The following FUT2 variants were observed in gnomAD, a reference collection of about 807,000 sequenced individuals.
FUT2 encodes the protein fucosyltransferase 2 (H blood group), also known as galactoside alpha-(1,2)-fucosyltransferase 2.
For missense variants in FUT2, 419 were observed against 465.8 expected, an observed-to-expected ratio of 0.90 and a Z score of 0.93; for synonymous variants, 182 against 193.1, an observed-to-expected ratio of 0.94 and a Z score of 0.48.
At position 48,703,658 on chromosome 19, in the gene FUT2, C is replaced by T. The variant is rs144777399; in HGVS notation, c.702C>T (p.Tyr234=). The change falls in exon 2 of 2, where the codon TAC becomes TAT. Residue 234 remains tyrosine, a synonymous_variant. Transcript: ENST00000425340. ...CCCTGGACTGGTTCCGAGCTCGCTA[C>T]AGCTCCCTCATCTTCGTGGTCACCA... ...QQALDWFRAR[Y]SSLIFVVTSN... The T allele has an allele frequency of 1.2e-5, 19 of 1,613,710 alleles. No homozygotes were observed. In the African/African-American group the frequency reaches 2.3e-4, roughly 19 times the overall value.
chr19:48,700,569 G>A (rs1225467166), intron 1 of FUT2, among the ~76,000 whole-genome samples: 1 of 151,968 alleles, frequency 6.6e-6, no homozygotes, highest in Non-Finnish European at 1.5e-5. Flanking sequence ...CTGACCTCAT[G>A]ATCCGCCCGC....
chr19:48,703,028 T>G lies in FUT2; in HGVS notation c.72T>G (p.Thr24=). The G allele has an allele frequency of 6.2e-7, 1 of 1,613,166 alleles. No individual in the cohort carries two copies. The highest frequency in any genetic ancestry group is 1.1e-5 in the South Asian group (1 of 90,640). The change falls in exon 2 of 2, where the codon ACT becomes ACG. Residue 24 remains threonine (T), a synonymous_variant. Coordinates refer to ENST00000425340, the MANE Select transcript of FUT2 (RefSeq NM_000511.6). Reference sequence around the variant, plus strand: ...TCCTCTTTGTCTTTACGGTTTCCACTATATTTCACGTTCAGCAGCGGCTAG... The same window carrying G: ...TCCTCTTTGTCTTTACGGTTTCCACGATATTTCACGTTCAGCAGCGGCTAG... ...HFILFVFTVS[T]IFHVQQRLAK...
intron 1 of FUT2, among the ~76,000 whole-genome samples, chr19:48,702,495 T>A (rs925241417): frequency 1.3e-5 from 2 of 151,956 alleles, no homozygotes; most frequent in African/African-American, 4.8e-5. Context: ...TGTATACACA[T>A]TCACATATAC....
At chr19:48,702,280 A>T (rs2032529869) in intron 1 of FUT2, among the ~76,000 whole-genome samples, 1 of 151,748 alleles carries the variant, frequency 6.6e-6, no homozygotes, top group South Asian at 2.1e-4. Flanking sequence ...GGTGATGTGC[A>T]CCTGTAGTCC....
chr19:48,698,508 C>T (rs930891240), intron 1 of FUT2, among the ~76,000 whole-genome samples: 2 of 151,846 alleles, frequency 1.3e-5, no homozygotes, highest in African/African-American at 4.8e-5. Flanking sequence ...ATGGCACAAT[C>T]GCAGCTCACC....
chr19:48,697,822 G>A (rs2032442739), intron 1 of FUT2, among the ~76,000 whole-genome samples: 1 of 151,848 alleles, frequency 6.6e-6, no homozygotes, highest in Admixed American at 6.6e-5. Flanking sequence ...AGCCTCCCAA[G>A]TAGCTGAGAT....
rs199854717 is a variant in FUT2, at chr19:48,703,069, T to C, written c.113T>C (p.Met38Thr). ...CAGCGGCTAGCGAAGATTCAAGCCA[T>C]GTGGGAGTTACCGGTGCAGATACCA... ...VQQRLAKIQA[M>T]WELPVQIPVL... Residue 38 changes from methionine (M) to threonine (T), a missense_variant, in exon 2 of 2, where the codon ATG (methionine) becomes ACG (threonine). Coordinates refer to ENST00000425340, the MANE Select transcript of FUT2 (RefSeq NM_000511.6). 10 of 1,613,246 alleles carry C rather than the reference T, an allele frequency of 6.2e-6. No homozygotes were observed. The East Asian group carries it at 1.3e-4, about 22-fold the overall frequency.
chr19:48,701,681 T>G (rs991155537), intron 1 of FUT2, among the ~76,000 whole-genome samples: 2 of 151,542 alleles, frequency 1.3e-5, no homozygotes, highest in African/African-American at 4.8e-5. Context: ...CTCTGGCAAG[T>G]AGGAAAATAA....
At chr19:48,701,087 A>G (rs1028849542) in intron 1 of FUT2, among the ~76,000 whole-genome samples, 4 of 151,980 alleles carry the variant, frequency 2.6e-5, no homozygotes, top group Non-Finnish European at 5.9e-5. Flanking sequence ...CCCACAGTCT[A>G]CTCATCAAAC....
At position 48,703,414 on chromosome 19, in the gene FUT2, C is replaced by T; in HGVS notation, c.458C>T (p.Ser153Phe). ...GTCCGCTTCACCGGCTACCCCTGCT[C>T]CTGGACCTTCTACCACCACCTCCGC... ...EYVRFTGYPC[S>F]WTFYHHLRQE... is the part of the protein sequence containing the mutation. Residue 153 changes from serine (S) to phenylalanine (F), a missense_variant, in exon 2 of 2, where the codon TCC becomes TTC. Physicochemically the swap from Ser to Phe is radical, Grantham distance 155. Coordinates refer to ENST00000425340, the MANE Select transcript of FUT2 (RefSeq NM_000511.6). The T allele has an allele frequency of 6.2e-7, 1 of 1,613,008 alleles. No homozygotes were observed. Among genetic ancestry groups the T allele is most frequent in the Non-Finnish European group, 8.5e-7 (1 of 1,179,968 alleles).
At chr19:48,697,928 A>G (rs2032444260) in intron 1 of FUT2, among the ~76,000 whole-genome samples, 1 of 150,784 alleles carries the variant, frequency 6.6e-6, no homozygotes, top group Non-Finnish European at 1.5e-5. Context: ...TCCTGACCTC[A>G]GGTGATCCAC....
In FUT2 at chr19:48,703,161, A is replaced by G. The variant is rs2032551195; in HGVS notation, c.205A>G (p.Ile69Val). Residue 69 changes from isoleucine (I) to valine (V), a missense_variant, in exon 2 of 2, where the codon ATA becomes GTA. By Grantham distance (29) the Ile-to-Val change is conservative (BLOSUM62 3). Coordinates refer to ENST00000425340, the MANE Select transcript of FUT2 (RefSeq NM_000511.6). Reference protein sequence around the residue: ...QLRGMWTINAIGRLGNQMGEY... With the variant: ...QLRGMWTINAVGRLGNQMGEY... ...CAGGGGGATGTGGACGATCAATGCAATAGGCCGCCTGGGGAACCAGATGGG... is the reference window on the plus strand; with the variant it reads ...CAGGGGGATGTGGACGATCAATGCAGTAGGCCGCCTGGGGAACCAGATGGG... The G allele has an allele frequency of 6.2e-7, 1 of 1,613,444 alleles. No homozygotes were observed. Among genetic ancestry groups the G allele is most frequent in the Non-Finnish European group, 8.5e-7 (1 of 1,180,026 alleles).
chr19:48,700,152 C>CAAAAAA (rs923397801), intron 1 of FUT2, among the ~76,000 whole-genome samples: 111 of 44,770 alleles, frequency 2.5e-3, no homozygotes, highest in Non-Finnish European at 3.5e-3. Flanking sequence ...GACTCCATCT[C>CAAAAAA]AAAAAAAAAA....
chr19:48,699,767 G>T (rs149892149), intron 1 of FUT2, among the ~76,000 whole-genome samples: 17 of 152,150 alleles, frequency 1.1e-4, no homozygotes, highest in African/African-American at 3.8e-4. Flanking sequence ...CTAGCCACTG[G>T]TGGTGATGTG....
intron 1 of FUT2, among the ~76,000 whole-genome samples, chr19:48,698,685 G>A (rs536131568): frequency 3.1e-4 from 47 of 151,882 alleles, no homozygotes; most frequent in African/African-American, 1.0e-3. Flanking sequence ...CAGGTGATCC[G>A]CCCCCGCTTG....
Position 48,701,335 on chromosome 19 carries a change from C to A in FUT2, c.-2-1620C>A, listed in dbSNP as rs71370197. Among the ~76,000 whole-genome samples, 629 of 152,072 alleles carry A rather than the reference C, an allele frequency of 4.1e-3. 3 individuals are homozygous for A. Among genetic ancestry groups the A allele is most frequent in the Non-Finnish European group, 7.1e-3 (484 of 68,020 alleles). ...CTGGGATTACGGGCGTCCGCCACCA[C>A]ACCTGGCTAATTTTTGTATTTTTAG... On this transcript the variant is annotated intron_variant, in intron 1 of 1. Transcript: ENST00000425340.
chr19:48,697,763 C>T (rs907898557), intron 1 of FUT2, among the ~76,000 whole-genome samples: 3 of 151,932 alleles, frequency 2.0e-5, no homozygotes, highest in African/African-American at 4.8e-5. Context: ...GGTACAATCT[C>T]GGCTCACTGC....
intron 1 of FUT2, among the ~76,000 whole-genome samples, chr19:48,701,902 A>T: frequency 6.6e-6 from 1 of 151,930 alleles, no homozygotes. Flanking sequence ...CTGAGACAGG[A>T]GTATAGCTTG....
At chr19:48,696,184 C>T (rs1355695722) in intron 1 of FUT2, 95 bp downstream of exon 1, 4 of 152,324 alleles carry the variant, frequency 2.6e-5, no homozygotes, top group Admixed American at 2.0e-4. Flanking sequence ...TGTGTGCCCT[C>T]GTGGGTCCCT....
Sources: allele counts gnomAD v4.1 joint callset (sites outside exome capture counted in the v4.1 genomes callset), GRCh38; gene constraint gnomAD v4.1.1; transcripts MANE v1.5; gene names NCBI Gene and HGNC (gene_info 2026-07-23, HGNC 2026-07-21).